Variants in ZNF385D observed in about 807,000 individuals in gnomAD.
ZNF385D encodes zinc finger protein 385D, also known as zinc finger protein 659.
In ZNF385D, 15 loss-of-function variants were observed where a neutral mutation model predicts 35.8. That is an observed-to-expected ratio of 0.42 (90% CI 0.28 to 0.64). The LOEUF (loss-of-function observed/expected upper bound fraction) is 0.64, where lower values mean the gene tolerates loss of function less well. ZNF385D is among the 30% of genes least tolerant of loss of function. The pLI is 0.23. For missense variants in ZNF385D, 474 were observed against 494.6 expected (o/e 0.96, Z 0.39); for synonymous variants, 212 against 186.8 (o/e 1.13, Z -1.10).
At position 22,078,759 on chromosome 3, in the gene ZNF385D, T is replaced by G. The variant is rs116138649; in HGVS notation, c.325+90058A>C. Reference sequence around the variant, plus strand: ...AGTTGCAGAAGTAAATGTCATAAATTTGAAAAAGGACTTTGAAAATAACTT... The same window carrying G: ...AGTTGCAGAAGTAAATGTCATAAATGTGAAAAAGGACTTTGAAAATAACTT... On this transcript the variant is annotated intron_variant, in intron 3 of 5. Coordinates refer to the ZNF385D transcript ENST00000494108. 2.8e-3 allele frequency among the ~76,000 whole-genome samples: 426 copies of G among 152,118 alleles called. 1 individual carries two copies. The highest frequency in any genetic ancestry group is 9.5e-3 in the African/African-American group (395 of 41,552).
At chr3:22,197,735 G>T (rs1423701176) in intron 2 of ZNF385D, among the ~76,000 whole-genome samples, 2 of 152,066 alleles carry the variant, frequency 1.3e-5, no homozygotes, top group East Asian at 3.9e-4. Flanking sequence ...CCTGCATTCT[G>T]TTCAGATTCT....
intron 3 of ZNF385D, among the ~76,000 whole-genome samples, chr3:22,017,878 T>A (rs2125449272): frequency 6.6e-6 from 1 of 152,054 alleles, no homozygotes; most frequent in East Asian, 1.9e-4. Flanking sequence ...AATTACTCCT[T>A]GTATTCAACT....
intron 3 of ZNF385D, among the ~76,000 whole-genome samples, chr3:22,167,207 C>T (rs967602790): frequency 6.6e-6 from 1 of 152,140 alleles, no homozygotes; most frequent in African/African-American, 2.4e-5. Flanking sequence ...TGATTGATCC[C>T]CACCCTTTAC....
At chr3:22,135,078 C>T (rs1395484182) in intron 3 of ZNF385D, among the ~76,000 whole-genome samples, 1 of 152,130 alleles carries the variant, frequency 6.6e-6, no homozygotes, top group Non-Finnish European at 1.5e-5. Flanking sequence ...AGGAAAATCT[C>T]CAAACACCTG....
At chr3:21,640,468 T>C (rs925201890) in intron 2 of ZNF385D, among the ~76,000 whole-genome samples, 1 of 152,072 alleles carries the variant, frequency 6.6e-6, no homozygotes, top group Non-Finnish European at 1.5e-5. Context: ...TCCAGTGTTA[T>C]GGTACTAAGA....
At chr3:21,560,009 C>T (rs377420650) in intron 3 of ZNF385D, among the ~76,000 whole-genome samples, 12 of 152,148 alleles carry the variant, frequency 7.9e-5, no homozygotes, top group African/African-American at 2.7e-4. Context: ...AGCTCCATCA[C>T]GTCGTTTATG....
intron 1 of ZNF385D, among the ~76,000 whole-genome samples, chr3:21,739,463 A>G (rs944379864): frequency 3.3e-5 from 5 of 152,202 alleles, no homozygotes; most frequent in Admixed American, 2.6e-4. Flanking sequence ...AGCCGCCCTC[A>G]TAAGTTGTTA....
chr3:22,306,308 G>A (rs1703214576), intron 2 of ZNF385D, among the ~76,000 whole-genome samples: 1 of 151,752 alleles, frequency 6.6e-6, no homozygotes, highest in Non-Finnish European at 1.5e-5. Context: ...ATAAAATAGG[G>A]TAAACCTTTC....
intron 3 of ZNF385D, among the ~76,000 whole-genome samples, chr3:21,773,175 T>C (rs745680509): frequency 1.3e-5 from 2 of 151,934 alleles, no homozygotes; most frequent in Non-Finnish European, 2.9e-5. Flanking sequence ...ACCATTGAAC[T>C]GTACAGTGAA....
intron 2 of ZNF385D, among the ~76,000 whole-genome samples, chr3:21,628,210 A>T (rs73138805): frequency 6.6e-6 from 1 of 152,080 alleles, no homozygotes; most frequent in Non-Finnish European, 1.5e-5. Context: ...TGTTGCAAAA[A>T]GTCTTCACTC....
At chr3:22,181,604 A>C (rs1172629306) in intron 2 of ZNF385D, among the ~76,000 whole-genome samples, 2 of 151,398 alleles carry the variant, frequency 1.3e-5, no homozygotes, top group Non-Finnish European at 2.9e-5. Flanking sequence ...AGGCTGAGGC[A>C]GGAGAATGGT....
At chr3:22,243,202 TA>T (rs1357587325) in intron 2 of ZNF385D, among the ~76,000 whole-genome samples, 1 of 150,380 alleles carries the variant, frequency 6.6e-6, no homozygotes, top group Non-Finnish European at 1.5e-5. Context: ...CAGCCCAATT[TA>T]AAAAAATGGG....
intron 2 of ZNF385D, among the ~76,000 whole-genome samples, chr3:22,227,375 G>T (rs1698624442): frequency 6.6e-6 from 1 of 152,066 alleles, no homozygotes; most frequent in Admixed American, 6.5e-5. Context: ...TGTGTCATAA[G>T]ACCCTCATTT....
intron 3 of ZNF385D, among the ~76,000 whole-genome samples, chr3:22,097,892 C>G (rs1054857319): frequency 6.6e-6 from 1 of 152,014 alleles, no homozygotes; most frequent in African/African-American, 2.4e-5. Flanking sequence ...AATAATACCC[C>G]TAGCCCATAA....
intron 5 of ZNF385D, among the ~76,000 whole-genome samples, chr3:21,434,123 A>T (rs777575592): frequency 6.6e-6 from 1 of 152,192 alleles, no homozygotes; most frequent in Non-Finnish European, 1.5e-5. Flanking sequence ...GACCAATAGA[A>T]GTTTTTATGT....
chr3:21,845,706 T>C (rs146279718), intron 3 of ZNF385D, among the ~76,000 whole-genome samples: 2 of 151,938 alleles, frequency 1.3e-5, no homozygotes, highest in African/African-American at 4.8e-5. Context: ...TATTATAACA[T>C]CAGGATCTTC....
intron 3 of ZNF385D, among the ~76,000 whole-genome samples, chr3:21,792,687 T>C (rs2071979681): frequency 6.6e-6 from 1 of 152,128 alleles, no homozygotes; most frequent in East Asian, 1.9e-4. Context: ...AAGCAGGCCC[T>C]AGACCCCCTT....
chr3:21,649,419 T>G (rs1260793454), intron 2 of ZNF385D, among the ~76,000 whole-genome samples: 1 of 152,098 alleles, frequency 6.6e-6, no homozygotes, highest in African/African-American at 2.4e-5. Flanking sequence ...TTTAGCAGGA[T>G]GACATCATGA....
intron 3 of ZNF385D, among the ~76,000 whole-genome samples, chr3:21,917,257 C>A (rs1399044692): frequency 6.6e-6 from 1 of 152,084 alleles, no homozygotes; most frequent in Non-Finnish European, 1.5e-5. Context: ...CACGGTGAAA[C>A]CTGGTCTCTG....
Sources: gnomAD v4.1 joint callset for allele counts (sites outside exome capture counted in the v4.1 genomes callset) on GRCh38, gnomAD v4.1.1 for gene constraint, MANE v1.5 for transcripts, NCBI Gene and HGNC (gene_info 2026-07-23, HGNC 2026-07-21) for gene names.